The following TPP2 variants were observed in gnomAD, a reference collection of about 807,000 sequenced individuals.
The protein encoded by TPP2 is tripeptidyl peptidase 2.
A neutral mutation model predicts 155.9 loss-of-function variants in TPP2; 34 were observed. The ratio of observed to expected loss-of-function variants is 0.22; its 90% confidence interval spans 0.17 to 0.29. The LOEUF is 0.29. Ranked by LOEUF, TPP2 falls within the 10% of genes least tolerant of loss-of-function variation. The pLI, the probability that TPP2 is intolerant of heterozygous loss-of-function variation, is 1.00. For missense variants in TPP2, 1,028 were observed against 1,522.3 expected, an observed-to-expected ratio of 0.68 and a Z score of 5.40; for synonymous variants, 510 against 529.4, an observed-to-expected ratio of 0.96 and a Z score of 0.50.
intron 23 of TPP2, among the ~76,000 whole-genome samples, chr13:102,650,033 C>G (rs764736488): frequency 1.3e-4 from 20 of 151,988 alleles, no homozygotes; most frequent in Admixed American, 3.9e-4. Context: ...TTTGGTATTG[C>G]CTTTTAATTT....
intron 27 of TPP2, among the ~76,000 whole-genome samples, chr13:102,667,275 T>C (rs953545882): frequency 6.6e-6 from 1 of 152,210 alleles, no homozygotes; most frequent in South Asian, 2.1e-4. Flanking sequence ...TATTTAGGCA[T>C]TAAAATACTG....
intron 6 of TPP2, among the ~76,000 whole-genome samples, chr13:102,624,974 C>A (rs1444037153): frequency 6.7e-6 from 1 of 149,430 alleles, no homozygotes; most frequent in African/African-American, 2.5e-5. Flanking sequence ...ATTCTCCTGC[C>A]TCAGCCTCCT....
chr13:102,660,629 A>T (rs981891495), intron 25 of TPP2, among the ~76,000 whole-genome samples: 1 of 152,228 alleles, frequency 6.6e-6, no homozygotes, highest in Non-Finnish European at 1.5e-5. Flanking sequence ...TAACAAGCTG[A>T]TTCTAAAAGT....
At chr13:102,648,801 A>G in intron 21 of TPP2, 106 bp from the exon 22 acceptor site, 1 of 1,421,996 alleles carries the variant, frequency 7.0e-7, no homozygotes. Flanking sequence ...TACCTCACAT[A>G]TTATGAACAA....
chr13:102,645,069 A>G, intron 19 of TPP2, 60 bp downstream of exon 19: 1 of 1,487,160 alleles, frequency 6.7e-7, no homozygotes, highest in East Asian at 2.3e-5. Context: ...GATCTCTTAC[A>G]CTCTTAAAAA....
chr13:102,609,392 C>CTTTTTTTTTTT, intron 2 of TPP2, among the ~76,000 whole-genome samples: 1 of 79,840 alleles, frequency 1.3e-5, no homozygotes, highest in Non-Finnish European at 2.2e-5. Flanking sequence ...AAGTGCCATG[C>CTTTTTTTTTTT]TTTTTTTTTT....
chr13:102,618,606 T>A, intron 4 of TPP2, 116 bp from the exon 5 acceptor site: 1 of 1,370,474 alleles, frequency 7.3e-7, no homozygotes, highest in Non-Finnish European at 9.7e-7. Context: ...TTTTCTTACA[T>A]TTTTTCAGGG....
intron 2 of TPP2, among the ~76,000 whole-genome samples, chr13:102,611,114 C>T (rs1397999623): frequency 6.6e-6 from 1 of 152,200 alleles, no homozygotes; most frequent in African/African-American, 2.4e-5. Flanking sequence ...CTGAGACTTG[C>T]CCATGTTGTC....
chr13:102,647,226 C>T lies in TPP2; in HGVS notation c.2510C>T (p.Thr837Ile). 6.2e-7 allele frequency: 1 copy of T among 1,612,912 alleles called. No individual in the cohort carries two copies. ...TAATAGCCCAAGAGTGGGGAAGTAACTCCAAGCTGCCCACTACTTTGTGAA... is the reference window on the plus strand; with the variant it reads ...TAATAGCCCAAGAGTGGGGAAGTAATTCCAAGCTGCCCACTACTTTGTGAA... The part of the protein sequence containing the change: ...NFHQPKSGEV[T>I]PSCPLLCELL... The change falls in exon 21 of 30, where the codon ACT (threonine) becomes ATT (isoleucine). Residue 837 changes from threonine to isoleucine, a missense_variant. This residue lies in a region of TPP2 where 325 missense variants were observed against 463.7 expected (regional missense o/e 0.70). Coordinates refer to ENST00000376052, the MANE Select transcript of TPP2 (RefSeq NM_001330588.2).
intron 27 of TPP2, among the ~76,000 whole-genome samples, chr13:102,668,135 G>C (rs1187919428): frequency 6.6e-6 from 1 of 152,150 alleles, no homozygotes; most frequent in African/African-American, 2.4e-5. Flanking sequence ...ATCAAAGGTT[G>C]GTTTTTGGAG....
chr13:102,615,680 A>G (rs1880665378), intron 3 of TPP2, among the ~76,000 whole-genome samples: 1 of 152,188 alleles, frequency 6.6e-6, no homozygotes, highest in African/African-American at 2.4e-5. Flanking sequence ...ATTGTCTGTC[A>G]AAATGCAGCT....
chr13:102,635,378 A>G (rs1220996253), intron 11 of TPP2, among the ~76,000 whole-genome samples: 2 of 152,186 alleles, frequency 1.3e-5, no homozygotes, highest in East Asian at 1.9e-4. Flanking sequence ...TAATGAGAAC[A>G]CAGTGATTTT....
At chr13:102,610,428 C>T (rs770237976) in intron 2 of TPP2, among the ~76,000 whole-genome samples, 4 of 152,108 alleles carry the variant, frequency 2.6e-5, no homozygotes, top group African/African-American at 7.2e-5. Flanking sequence ...CTGGGTTTCA[C>T]CATGCTGGCT....
rs149598491 is a variant in TPP2 at position 102,661,889 on chromosome 13, T to G, written c.3144-1759T>G. 7.0e-4 allele frequency among the ~76,000 whole-genome samples: 107 copies of G among 152,280 alleles called. 2 individuals are homozygous for G. In the East Asian group the frequency reaches 0.018, roughly 25 times the overall value. On this transcript the variant is annotated intron_variant, in intron 25 of 29. Transcript: ENST00000376052. Reference sequence around the variant, plus strand: ...TGACTGCTCTTCAAATGATTAAACTTAGTTTCCATATGGCCCAGCAGTTCC... The same window carrying G: ...TGACTGCTCTTCAAATGATTAAACTGAGTTTCCATATGGCCCAGCAGTTCC...
intron 29 of TPP2, among the ~76,000 whole-genome samples, chr13:102,677,529 C>A (rs1328350953): frequency 6.6e-6 from 1 of 152,192 alleles, no homozygotes. Flanking sequence ...TCACACTTGC[C>A]CATACAAACT....
intron 24 of TPP2, among the ~76,000 whole-genome samples, chr13:102,652,964 C>T (rs1173572065): frequency 6.6e-6 from 1 of 152,142 alleles, no homozygotes; most frequent in African/African-American, 2.4e-5. Flanking sequence ...AAATAGAAGG[C>T]ACTTATCACG....
chr13:102,666,292 T>C (rs901480530), intron 27 of TPP2, among the ~76,000 whole-genome samples: 1 of 152,230 alleles, frequency 6.6e-6, no homozygotes, highest in African/African-American at 2.4e-5. Context: ...ATGCCCTTTC[T>C]TTTCTCTGTA....
chr13:102,636,122 A>G, intron 12 of TPP2, 102 bp from the exon 13 acceptor site: 1 of 1,214,366 alleles, frequency 8.2e-7, no homozygotes, highest in South Asian at 1.6e-5. Flanking sequence ...TATAGACACT[A>G]ACTTTTTGTT....
chr13:102,667,908 G>A, intron 27 of TPP2: 2 of 811,818 alleles, frequency 2.5e-6, no homozygotes, highest in Non-Finnish European at 3.0e-6. Flanking sequence ...AGTGGGCTAG[G>A]GGACTGCCAG....
Sources: gnomAD v4.1 joint callset for allele counts (sites outside exome capture counted in the v4.1 genomes callset) on GRCh38, gnomAD v4.1.1 for gene constraint, gnomAD v4.1.1 regional missense constraint, MANE v1.5 for transcripts, NCBI Gene and HGNC (gene_info 2026-07-23, HGNC 2026-07-21) for gene names.